NAV2: variants seen among roughly 807,000 people sequenced by gnomAD.
NAV2 encodes the protein helicase, APC down-regulated 1.
A neutral mutation model predicts 223.2 loss-of-function variants in NAV2; 54 were observed. That is an observed-to-expected ratio of 0.24 (90% CI 0.19 to 0.30). The LOEUF (loss-of-function observed/expected upper bound fraction) is 0.30, where lower values mean the gene tolerates loss of function less well. Ranked by LOEUF, NAV2 falls within the 10% of genes least tolerant of loss-of-function variation. The pLI, the probability that NAV2 is intolerant of heterozygous loss-of-function variation, is 1.00. For missense variants in NAV2, 2,806 were observed against 3,147.5 expected, an observed-to-expected ratio of 0.89 and a Z score of 2.60; for synonymous variants, 1,279 against 1,239.3, an observed-to-expected ratio of 1.03 and a Z score of -0.67.
chr11:19,981,467 A>G lies in NAV2; in HGVS notation c.2646-2658A>G, dbSNP rs146533417. ...ATGCCTGTGTGTGTGTAATTACCCA[A>G]CCGTGTGTGTTGTTTCACCAGCAAT... On this transcript the variant is annotated intron_variant, in intron 10 of 37. Coordinates refer to ENST00000349880, the MANE Select transcript of NAV2 (RefSeq NM_145117.5). The G allele has an allele frequency of 9.2e-5, 14 of 152,268 alleles. No homozygotes were observed. In the East Asian group the frequency reaches 2.7e-3, roughly 29 times the overall value. 9.4% of individuals were successfully genotyped at this position (152,268 alleles called of 1,614,324 possible).
intron 10 of NAV2, among the ~76,000 whole-genome samples, chr11:19,960,584 TA>T (rs1332093526): frequency 7.3e-6 from 1 of 136,912 alleles, no homozygotes; most frequent in African/African-American, 2.6e-5. Context: ...CACCCTTTTT[TA>T]AAATTTTATT....
intron 1 of NAV2, among the ~76,000 whole-genome samples, chr11:19,825,693 A>G (rs928148806): frequency 1.3e-5 from 2 of 152,230 alleles, no homozygotes; most frequent in Non-Finnish European, 2.9e-5. Context: ...TAAACTTAGC[A>G]GTGTTATTAT....
At chr11:20,106,155 GTATATATATATATATA>G (rs1554968868) in intron 35 of NAV2, among the ~76,000 whole-genome samples, 3 of 31,494 alleles carry the variant, frequency 9.5e-5, no homozygotes, top group East Asian at 6.2e-4. Context: ...GTGTGTGTGT[GTATATATATATATATA>G]TATATGTGTG....
intron 24 of NAV2, 114 bp from the exon 25 acceptor site, chr11:20,079,950 T>G: frequency 8.6e-7 from 1 of 1,159,002 alleles, no homozygotes; most frequent in Non-Finnish European, 1.2e-6. Context: ...GATGTATATG[T>G]GGAAAACACC....
intron 1 of NAV2, among the ~76,000 whole-genome samples, chr11:19,552,363 C>G (rs1237306780): frequency 1.3e-5 from 2 of 152,170 alleles, no homozygotes; most frequent in South Asian, 2.1e-4. Flanking sequence ...CCTCCCCACT[C>G]TGCCTCTCTA....
intron 1 of NAV2, among the ~76,000 whole-genome samples, chr11:19,762,573 G>A (rs2054845215): frequency 6.6e-6 from 1 of 151,100 alleles, no homozygotes; most frequent in South Asian, 2.1e-4. Context: ...GCAACTACTT[G>A]GGTATCAGCA....
At chr11:19,527,937 GACACAC>G (rs67561376) in intron 1 of NAV2, among the ~76,000 whole-genome samples, 202 of 143,322 alleles carry the variant, frequency 1.4e-3, no homozygotes, top group African/African-American at 3.9e-3. Flanking sequence ...TCCCTGCCCT[GACACAC>G]ACACACACAC....
At chr11:19,463,820 G>A (rs747774224) in intron 1 of NAV2, among the ~76,000 whole-genome samples, 36 of 152,112 alleles carry the variant, frequency 2.4e-4, no homozygotes, top group Admixed American at 8.5e-4. Flanking sequence ...GAGTGTGGGG[G>A]CAGGGGCTGG....
At chr11:19,932,257 A>AAAAAAAAAAAAAAAAAG (rs1555153008) in intron 6 of NAV2, among the ~76,000 whole-genome samples, 449 of 99,948 alleles carry the variant, frequency 4.5e-3, no homozygotes, top group East Asian at 7.7e-3. Context: ...AAAAAAAAAA[A>AAAAAAAAAAAAAAAAAG]AAAGAAAGAA....
intron 1 of NAV2, among the ~76,000 whole-genome samples, chr11:19,739,938 C>A (rs1193986828): frequency 6.6e-6 from 1 of 152,146 alleles, no homozygotes; most frequent in Non-Finnish European, 1.5e-5. Context: ...CACAGTAGAT[C>A]TGAAGAGGAC....
chr11:19,587,843 A>C (rs112399328), intron 1 of NAV2, among the ~76,000 whole-genome samples: 1 of 152,256 alleles, frequency 6.6e-6, no homozygotes, highest in Admixed American at 6.5e-5. Flanking sequence ...TCTCATCCAC[A>C]TTTTAGTCCA....
At chr11:19,511,624 G>A (rs1222679862) in intron 1 of NAV2, 1 of 152,232 alleles carries the variant, frequency 6.6e-6, no homozygotes, top group East Asian at 1.9e-4. Flanking sequence ...GGTCCGTAAA[G>A]CCTCTGGAAG....
At chr11:19,920,041 A>C (rs1156842238) in intron 6 of NAV2, among the ~76,000 whole-genome samples, 1 of 152,132 alleles carries the variant, frequency 6.6e-6, no homozygotes, top group Non-Finnish European at 1.5e-5. Flanking sequence ...AGGCTGAGGC[A>C]AGAGGATTGC....
intron 1 of NAV2, among the ~76,000 whole-genome samples, chr11:19,546,471 A>G (rs2044502272): frequency 6.6e-6 from 1 of 152,088 alleles, no homozygotes; most frequent in South Asian, 2.1e-4. Flanking sequence ...CAGTGCGGCC[A>G]CCTCCACTGC....
intron 1 of NAV2, among the ~76,000 whole-genome samples, chr11:19,403,461 G>T (rs1849768909): frequency 6.6e-6 from 1 of 152,230 alleles, no homozygotes; most frequent in Non-Finnish European, 1.5e-5. Context: ...AACAAAAGCT[G>T]CAGGTTAGCC....
chr11:20,055,303 A>G (rs1456346622), intron 18 of NAV2, among the ~76,000 whole-genome samples: 1 of 152,136 alleles, frequency 6.6e-6, no homozygotes, highest in African/African-American at 2.4e-5. Flanking sequence ...TTTATATACC[A>G]TTATTAAATG....
chr11:19,491,686 A>T (rs980338406), intron 1 of NAV2, among the ~76,000 whole-genome samples: 13 of 152,128 alleles, frequency 8.5e-5, no homozygotes, highest in Middle Eastern at 3.2e-3. Flanking sequence ...CTTTCTTATC[A>T]CTTGTGTGTT....
At chr11:19,453,328 GA>G (rs2133806342) in intron 1 of NAV2, among the ~76,000 whole-genome samples, 1 of 152,290 alleles carries the variant, frequency 6.6e-6, no homozygotes, top group South Asian at 2.1e-4. Context: ...GGGGCCCAAG[GA>G]AGGAGAAAGC....
intron 1 of NAV2, among the ~76,000 whole-genome samples, chr11:19,381,687 A>G (rs1848842407): frequency 6.6e-6 from 1 of 152,196 alleles, no homozygotes; most frequent in South Asian, 2.1e-4. Flanking sequence ...TGGGAGAGGA[A>G]CAGGTCAGCA....
Sources: gnomAD v4.1 joint callset for allele counts (sites outside exome capture counted in the v4.1 genomes callset) on GRCh38, gnomAD v4.1.1 for gene constraint, MANE v1.5 for transcripts, NCBI Gene and HGNC (gene_info 2026-07-23, HGNC 2026-07-21) for gene names.